Variants in HS6ST3 observed in about 807,000 individuals in gnomAD.
The protein encoded by HS6ST3 is heparan sulfate 6-O-sulfotransferase 3, also known as heparan-sulfate 6-O-sulfotransferase 3.
In HS6ST3, 12 loss-of-function variants were observed where a neutral mutation model predicts 36.7. The ratio of observed to expected loss-of-function variants is 0.33; its 90% confidence interval spans 0.21 to 0.53. The LOEUF is 0.53. Ranked by LOEUF, HS6ST3 falls within the 20% of genes least tolerant of loss-of-function variation. HS6ST3 has a pLI of 0.95. For missense variants in HS6ST3, 584 were observed against 640.9 expected, an observed-to-expected ratio of 0.91 and a Z score of 0.96; for synonymous variants, 240 against 257.5, an observed-to-expected ratio of 0.93 and a Z score of 0.65.
intron 1 of HS6ST3, among the ~76,000 whole-genome samples, chr13:96,187,173 T>C (rs1385389542): frequency 6.6e-6 from 1 of 152,234 alleles, no homozygotes; most frequent in Non-Finnish European, 1.5e-5. Flanking sequence ...GTCTGGGCTT[T>C]AGTGTGCCTT....
At chr13:96,447,054 G>C (rs1025186850) in intron 1 of HS6ST3, among the ~76,000 whole-genome samples, 2 of 151,900 alleles carry the variant, frequency 1.3e-5, no homozygotes, top group Non-Finnish European at 2.9e-5. Context: ...CCAATATCAC[G>C]TATCACCCTG....
chr13:96,777,206 C>T (rs75767376), intron 1 of HS6ST3, among the ~76,000 whole-genome samples: 1 of 152,296 alleles, frequency 6.6e-6, no homozygotes, highest in East Asian at 1.9e-4. Context: ...ACAATAAGGG[C>T]TATTCATGAC....
chr13:96,517,196 T>C (rs551274009), intron 1 of HS6ST3, among the ~76,000 whole-genome samples: 9 of 142,544 alleles, frequency 6.3e-5, no homozygotes, highest in African/African-American at 1.5e-4. Flanking sequence ...CTGGACACCA[T>C]AGGGAGACCC....
intron 1 of HS6ST3, among the ~76,000 whole-genome samples, chr13:96,569,498 T>C (rs1406364905): frequency 1.3e-5 from 2 of 152,132 alleles, no homozygotes; most frequent in South Asian, 2.1e-4. Context: ...TCCTATTATA[T>C]GAGAAAATAC....
At chr13:96,442,900 C>T (rs9300355) in intron 1 of HS6ST3, among the ~76,000 whole-genome samples, 23,018 of 151,720 alleles carry the variant, frequency 0.15, 1,888 homozygotes, top group Middle Eastern at 0.24. Flanking sequence ...TCTTGGTCCG[C>T]GCATGAATAT....
chr13:96,774,146 G>A (rs1397790485), intron 1 of HS6ST3, among the ~76,000 whole-genome samples: 2 of 152,088 alleles, frequency 1.3e-5, no homozygotes, highest in Admixed American at 1.3e-4. Flanking sequence ...TCATTAAAAA[G>A]GACGTCCACA....
chr13:96,543,771 T>A (rs1425653054), intron 1 of HS6ST3, among the ~76,000 whole-genome samples: 1 of 152,168 alleles, frequency 6.6e-6, no homozygotes, highest in East Asian at 1.9e-4. Flanking sequence ...GAAACATACT[T>A]ATCAGTTTTG....
chr13:96,142,910 A>C (rs1410957496), intron 1 of HS6ST3, among the ~76,000 whole-genome samples: 1 of 152,186 alleles, frequency 6.6e-6, no homozygotes, highest in South Asian at 2.1e-4. Context: ...CTTTAAAAAA[A>C]GATATTTCAG....
intron 1 of HS6ST3, among the ~76,000 whole-genome samples, chr13:96,752,714 T>C (rs971704401): frequency 1.3e-5 from 2 of 152,170 alleles, no homozygotes; most frequent in East Asian, 1.9e-4. Context: ...CAGTTACATA[T>C]GTTGTAAATA....
At chr13:96,831,980 A>AAAAAAAAAAAAAAAAAC (rs1339637754) in intron 1 of HS6ST3, among the ~76,000 whole-genome samples, 1 of 141,906 alleles carries the variant, frequency 7.0e-6, no homozygotes, top group African/African-American at 2.6e-5. Context: ...AAAAAAAAAA[A>AAAAAAAAAAAAAAAAAC]CAGAGATTAA....
At chr13:96,730,455 T>C (rs1259318090) in intron 1 of HS6ST3, among the ~76,000 whole-genome samples, 1 of 152,198 alleles carries the variant, frequency 6.6e-6, no homozygotes, top group Non-Finnish European at 1.5e-5. Context: ...AGGTCAGCCA[T>C]TGGCTTTATT....
intron 1 of HS6ST3, among the ~76,000 whole-genome samples, chr13:96,332,931 A>G (rs1234874022): frequency 6.6e-6 from 1 of 152,214 alleles, no homozygotes; most frequent in African/African-American, 2.4e-5. Context: ...TTCCTCAGAG[A>G]GCTAGATCAG....
At chr13:96,216,272 C>T (rs1232676519) in intron 1 of HS6ST3, among the ~76,000 whole-genome samples, 8 of 152,134 alleles carry the variant, frequency 5.3e-5, no homozygotes, top group Non-Finnish European at 7.4e-5. Flanking sequence ...CATTTTGATT[C>T]TACTTTTTCA....
intron 1 of HS6ST3, among the ~76,000 whole-genome samples, chr13:96,663,829 A>T (rs2056654660): frequency 6.6e-6 from 1 of 152,222 alleles, no homozygotes; most frequent in Non-Finnish European, 1.5e-5. Context: ...ATAATACAGA[A>T]TGAGTGAACC....
chr13:96,534,405 A>G (rs2056147299), intron 1 of HS6ST3, among the ~76,000 whole-genome samples: 1 of 152,258 alleles, frequency 6.6e-6, no homozygotes, highest in Non-Finnish European at 1.5e-5. Flanking sequence ...CTAGCTAATC[A>G]AACTGACTTT....
intron 1 of HS6ST3, among the ~76,000 whole-genome samples, chr13:96,782,554 C>T (rs748672928): frequency 5.9e-5 from 9 of 152,072 alleles, no homozygotes; most frequent in African/African-American, 1.4e-4. Context: ...ATGGAGCTGG[C>T]GGGTTCAGTT....
intron 1 of HS6ST3, among the ~76,000 whole-genome samples, chr13:96,530,558 G>A (rs900206809): frequency 4.7e-5 from 7 of 149,004 alleles, no homozygotes; most frequent in African/African-American, 1.7e-4. Flanking sequence ...GCTTGAGTGT[G>A]GTAGATCAAT....
At chr13:96,297,045 T>G (rs1490969178) in intron 1 of HS6ST3, among the ~76,000 whole-genome samples, 4 of 152,114 alleles carry the variant, frequency 2.6e-5, no homozygotes. Context: ...AAAACCCTTC[T>G]GTTAGATTCC....
At chr13:96,270,542 A>G (rs2054714726) in intron 1 of HS6ST3, among the ~76,000 whole-genome samples, 1 of 151,978 alleles carries the variant, frequency 6.6e-6, no homozygotes, top group Non-Finnish European at 1.5e-5. Flanking sequence ...TCTGAAAATT[A>G]GACCATTCAT....
Sources: gnomAD v4.1 joint callset for allele counts (sites outside exome capture counted in the v4.1 genomes callset) on GRCh38, gnomAD v4.1.1 for gene constraint, MANE v1.5 for transcripts, NCBI Gene and HGNC (gene_info 2026-07-23, HGNC 2026-07-21) for gene names.